The following MYRIP variants were observed in gnomAD, a reference collection of about 807,000 sequenced individuals.
MYRIP encodes the protein rab effector MyRIP.
A neutral mutation model predicts 98.0 loss-of-function variants in MYRIP; 49 were observed. The observed-to-expected ratio is 0.50, with a 90% CI of 0.40 to 0.63. The LOEUF is 0.63. Among genes scored for constraint, MYRIP ranks in the 30% least tolerant of loss-of-function variants. MYRIP has a pLI of 0.00. For missense variants in MYRIP, 1,004 were observed against 1,058.2 expected (o/e 0.95, Z 0.71); for synonymous variants, 404 against 409.5 (o/e 0.99, Z 0.16).
At chr3:40,108,290 A>T (rs1043680157) in intron 3 of MYRIP, among the ~76,000 whole-genome samples, 49 of 51,920 alleles carry the variant, frequency 9.4e-4, no homozygotes, top group Non-Finnish European at 2.0e-3. Flanking sequence ...GACAGAGTTT[A>T]TAATTTAAGG....
chr3:39,809,943 C>G (rs1315215141), intron 1 of MYRIP, 27 bp downstream of exon 1: 2 of 152,614 alleles, frequency 1.3e-5, no homozygotes, highest in South Asian at 2.1e-4. Flanking sequence ...TCCCTCTTCT[C>G]CCCTCTGGCA....
At chr3:40,251,270 A>C (rs1317859005) in intron 15 of MYRIP, among the ~76,000 whole-genome samples, 4 of 152,256 alleles carry the variant, frequency 2.6e-5, no homozygotes, top group African/African-American at 9.6e-5. Flanking sequence ...CATTTATTGA[A>C]TGTTTATAAT....
rs59439874 is a variant in MYRIP, at chr3:40,116,595, G to T, written c.333-34453G>T. ...GTTTAGTCTGGCCCAATTTTGATAG[G>T]CATGGGCCTGTCTCTTTGCATCTTT... On this transcript the variant is annotated intron_variant, in intron 3 of 16. Transcript: ENST00000302541. Among the ~76,000 whole-genome samples, 356 of 152,270 alleles carry T rather than the reference G, an allele frequency of 2.3e-3. 4 individuals carry two copies. Among genetic ancestry groups the T allele is most frequent in the African/African-American group, 8.2e-3 (341 of 41,556 alleles).
intron 2 of MYRIP, among the ~76,000 whole-genome samples, chr3:39,967,705 G>GT (rs1383013852): frequency 1.3e-5 from 2 of 151,992 alleles, no homozygotes; most frequent in African/African-American, 4.8e-5. Context: ...CACTAACAGT[G>GT]TATAAGTGTT....
At chr3:40,250,364 A>G (rs1178344095) in intron 14 of MYRIP, 38 bp downstream of exon 14, 2 of 1,613,046 alleles carry the variant, frequency 1.2e-6, no homozygotes, top group Non-Finnish European at 1.7e-6. Context: ...GGAATGTTAC[A>G]TGGCTTGGAA....
intron 1 of MYRIP, among the ~76,000 whole-genome samples, chr3:39,871,504 G>A (rs564890271): frequency 5.9e-5 from 9 of 152,268 alleles, no homozygotes; most frequent in East Asian, 3.9e-4. Context: ...GGAGCCAAAC[G>A]TCTTCAACTT....
chr3:40,209,901 T>C lies in MYRIP; in HGVS notation c.1713T>C (p.Asp571=), dbSNP rs1799418. ...CAGACATCAGCAATGAGGCTCGGGA[T>C]CCCCAGACTCTCACAGACACCACAG... The part of the protein sequence containing the change: ...SETDISNEAR[D]PQTLTDTTEE... Residue 571 remains aspartate, a synonymous_variant, in exon 11 of 17, where the codon GAT becomes GAC. Coordinates refer to ENST00000302541, the MANE Select transcript of MYRIP (RefSeq NM_015460.4). 0.51 allele frequency: 822,641 copies of C among 1,613,480 alleles called. 215,959 individuals carry two copies. The highest frequency in any genetic ancestry group is 0.55 in the Non-Finnish European group (645,026 of 1,179,718).
At chr3:39,831,718 T>A (rs1941453347) in intron 1 of MYRIP, among the ~76,000 whole-genome samples, 1 of 152,192 alleles carries the variant, frequency 6.6e-6, no homozygotes. Context: ...ATTTACACAT[T>A]TCTAATAGCT....
intron 1 of MYRIP, among the ~76,000 whole-genome samples, chr3:39,875,194 T>C (rs1278543920): frequency 6.6e-6 from 1 of 152,198 alleles, no homozygotes; most frequent in Admixed American, 6.5e-5. Context: ...GATAGGCCTT[T>C]ATCATTTTTT....
chr3:40,140,584 G>T (rs1333169607), intron 3 of MYRIP, among the ~76,000 whole-genome samples: 1 of 152,200 alleles, frequency 6.6e-6, no homozygotes, highest in East Asian at 1.9e-4. Flanking sequence ...CACCAACAGT[G>T]TGTGAGAGTT....
At chr3:39,934,022 A>G (rs1944601103) in intron 2 of MYRIP, among the ~76,000 whole-genome samples, 1 of 152,218 alleles carries the variant, frequency 6.6e-6, no homozygotes, top group Non-Finnish European at 1.5e-5. Flanking sequence ...GACCTGTTGA[A>G]TCAGAAACTC....
At chr3:39,882,238 A>G (rs1313197379) in intron 1 of MYRIP, among the ~76,000 whole-genome samples, 1 of 152,002 alleles carries the variant, frequency 6.6e-6, no homozygotes, top group Non-Finnish European at 1.5e-5. Flanking sequence ...GGTGTTTTGC[A>G]TGTTAATTCT....
chr3:40,054,637 G>A (rs931115578), intron 3 of MYRIP, among the ~76,000 whole-genome samples: 2 of 152,160 alleles, frequency 1.3e-5, no homozygotes, highest in African/African-American at 4.8e-5. Flanking sequence ...AATTCTTCCA[G>A]CAGTCTGCCT....
chr3:40,190,042 G>T lies in MYRIP; in HGVS notation c.1244G>T (p.Arg415Leu). ...TTGAGCAAGCTGTGTCCCAGGTCCC[G>T]GGCCCTGCCCAGGAACCCCCAGCCT... Reference protein sequence around the residue: ...EALSKLCPRSRALPRNPQPQP... With the variant: ...EALSKLCPRSLALPRNPQPQP... Residue 415 changes from arginine (R) to leucine (L), a missense_variant, in exon 10 of 17, where the codon CGG becomes CTG. By Grantham distance (102) the Arg-to-Leu change is moderately radical (BLOSUM62 -2). Coordinates refer to ENST00000302541, the MANE Select transcript of MYRIP (RefSeq NM_015460.4). 1 of 1,613,996 alleles carries T rather than the reference G, an allele frequency of 6.2e-7. No homozygotes were observed. The highest frequency in any genetic ancestry group is 2.2e-5 in the East Asian group (1 of 44,860).
intron 3 of MYRIP, among the ~76,000 whole-genome samples, chr3:40,063,322 T>C (rs1211669698): frequency 1.3e-5 from 2 of 152,172 alleles, no homozygotes; most frequent in Non-Finnish European, 2.9e-5. Flanking sequence ...GGAATAGTAT[T>C]GTAGTAATTT....
chr3:40,113,921 C>T (rs990683551), intron 3 of MYRIP, among the ~76,000 whole-genome samples: 1 of 151,584 alleles, frequency 6.6e-6, no homozygotes, highest in African/African-American at 2.4e-5. Context: ...GATCTCCTGA[C>T]CTCATGACCC....
chr3:40,183,151 C>G (rs1348162832), intron 9 of MYRIP, among the ~76,000 whole-genome samples: 1 of 152,206 alleles, frequency 6.6e-6, no homozygotes. Context: ...ACGCCACTTT[C>G]ACTCCCAACC....
chr3:40,026,019 T>C (rs1339514679), intron 2 of MYRIP, among the ~76,000 whole-genome samples: 1 of 152,136 alleles, frequency 6.6e-6, no homozygotes, highest in Non-Finnish European at 1.5e-5. Flanking sequence ...ACCTCAAATT[T>C]ACCAGGGTGT....
chr3:40,218,857 A>G lies in MYRIP; in HGVS notation c.1905+8764A>G, dbSNP rs192466996. On this transcript the variant is annotated intron_variant, in intron 11 of 16. Transcript: ENST00000302541. The stretch of plus-strand genomic sequence containing the variant: ...AATACATATATTTAACAGATTTCCA[A>G]TCATCTTAATGAGATTTTTTGCAAA... Among the ~76,000 whole-genome samples the G allele has an allele frequency of 1.6e-4, 24 of 151,916 alleles. No homozygotes were observed. The East Asian group carries it at 4.6e-3, about 29-fold the overall frequency.
Sources: allele counts gnomAD v4.1 joint callset (sites outside exome capture counted in the v4.1 genomes callset), GRCh38; gene constraint gnomAD v4.1.1; transcripts MANE v1.5; gene names NCBI Gene and HGNC (gene_info 2026-07-23, HGNC 2026-07-21).